Variants in BMP5 observed in about 807,000 individuals in gnomAD.
BMP5 encodes bone morphogenetic protein 5.
A neutral mutation model predicts 46.6 loss-of-function variants in BMP5; 23 were observed. The ratio of observed to expected loss-of-function variants is 0.49; its 90% CI spans 0.35 to 0.70. The LOEUF is 0.70. Ranked by LOEUF, BMP5 falls within the 30% of genes least tolerant of loss-of-function variation. The probability of loss-of-function intolerance (pLI) is 0.00; values close to 1 mark genes in which losing one functional copy is unlikely to be tolerated. For synonymous variants in BMP5, 204 were observed against 191.9 expected, an observed-to-expected ratio of 1.06 and a Z score of -0.52; for missense variants, 545 against 565.6, an observed-to-expected ratio of 0.96 and a Z score of 0.37.
chr6:55,834,424 T>A (rs2127543204), intron 1 of BMP5, among the ~76,000 whole-genome samples: 1 of 152,316 alleles, frequency 6.6e-6, no homozygotes, highest in South Asian at 2.1e-4. Flanking sequence ...GTATGTAACA[T>A]GCCTTGCCTC....
intron 1 of BMP5, among the ~76,000 whole-genome samples, chr6:55,844,846 C>A (rs1451154353): frequency 6.6e-6 from 1 of 151,722 alleles, no homozygotes; most frequent in East Asian, 1.9e-4. Context: ...TTGTTTAGAA[C>A]CAACCAAAAT....
At chr6:55,811,759 A>G (rs1312109338) in intron 2 of BMP5, among the ~76,000 whole-genome samples, 1 of 150,148 alleles carries the variant, frequency 6.7e-6, no homozygotes, top group East Asian at 2.0e-4. Flanking sequence ...GAAACTTCCT[A>G]CTCTTCTTGA....
At chr6:55,765,618 T>C (rs1774900206) in intron 4 of BMP5, among the ~76,000 whole-genome samples, 2 of 152,142 alleles carry the variant, frequency 1.3e-5, no homozygotes, top group South Asian at 4.1e-4. Context: ...ATAACAATCC[T>C]ACCCAAAGAT....
chr6:55,857,841 C>T (rs995201837), intron 1 of BMP5, among the ~76,000 whole-genome samples: 2 of 151,950 alleles, frequency 1.3e-5, no homozygotes, highest in African/African-American at 2.4e-5. Context: ...CAGGCTCAAG[C>T]GATTCTCCTG....
At position 55,795,548 on chromosome 6, in the gene BMP5, ATG is replaced by A. The variant is rs554222448; in HGVS notation, c.684-1123_684-1122del. 1.7e-3 allele frequency among the ~76,000 whole-genome samples: 255 copies of A among 152,190 alleles called. 1 individual carries two copies. The highest frequency in any genetic ancestry group is 5.9e-3 in the African/African-American group (244 of 41,550). ...AGTCACTTTAAGGGTGGCTTACAAA[ATG>A]TGAAAACACATTTTTAATAAATCAT... is the stretch of plus-strand genomic sequence containing the variant. On this transcript the variant is annotated intron_variant, in intron 2 of 6. Transcript: ENST00000370830.
intron 3 of BMP5, among the ~76,000 whole-genome samples, chr6:55,785,098 A>G (rs187231024): frequency 6.6e-6 from 1 of 151,970 alleles, no homozygotes; most frequent in African/African-American, 2.4e-5. Context: ...GCATGGTTTA[A>G]ATTCTTACTG....
intron 4 of BMP5, among the ~76,000 whole-genome samples, chr6:55,766,317 C>G (rs1404844946): frequency 6.6e-6 from 1 of 151,910 alleles, no homozygotes; most frequent in Non-Finnish European, 1.5e-5. Flanking sequence ...GTTGATGTTC[C>G]CCAAGGAGGC....
chr6:55,815,076 T>A lies in BMP5; in HGVS notation c.683+4579A>T, dbSNP rs1776223591. 2.3e-5 allele frequency among the ~76,000 whole-genome samples: 3 copies of A among 133,076 alleles called. No homozygotes were observed. The Admixed American group carries it at 2.8e-4, about 12-fold the overall frequency. The allele number at this position is 133,076 out of a possible 152,430, so 87.3% of individuals were successfully genotyped here. On this transcript the variant is annotated intron_variant, in intron 2 of 6. Transcript: ENST00000370830. ...TGAAACCTGAAGGCAGAGGTTGCAG[T>A]GGGCTGAGATAGTGCCATTGCACTC...
intron 3 of BMP5, among the ~76,000 whole-genome samples, chr6:55,774,799 G>T (rs1248724576): frequency 1.3e-5 from 2 of 151,938 alleles, no homozygotes; most frequent in Non-Finnish European, 2.9e-5. Context: ...AGTCATTCTG[G>T]AAGCCTAGTC....
intron 3 of BMP5, among the ~76,000 whole-genome samples, chr6:55,786,276 T>C (rs1231512853): frequency 1.3e-5 from 2 of 151,808 alleles, no homozygotes; most frequent in Non-Finnish European, 1.5e-5. Context: ...AGTATAAATA[T>C]ATGCTTAAAG....
At chr6:55,855,227 T>G (rs1377800298) in intron 1 of BMP5, among the ~76,000 whole-genome samples, 1 of 152,054 alleles carries the variant, frequency 6.6e-6, no homozygotes, top group African/African-American at 2.4e-5. Context: ...TTATTTGTTT[T>G]TATTTTTATT....
At chr6:55,872,833 T>A (rs1439708092) in intron 1 of BMP5, among the ~76,000 whole-genome samples, 1 of 151,860 alleles carries the variant, frequency 6.6e-6, no homozygotes, top group Non-Finnish European at 1.5e-5. Flanking sequence ...TAAACTACTT[T>A]AAATTCTTGA....
At chr6:55,827,676 A>G (rs987036193) in intron 1 of BMP5, among the ~76,000 whole-genome samples, 9 of 151,858 alleles carry the variant, frequency 5.9e-5, no homozygotes, top group Non-Finnish European at 1.2e-4. Context: ...AAAATTATTA[A>G]GTGAATGTTA....
At chr6:55,873,653 G>A (rs990597697) in intron 1 of BMP5, among the ~76,000 whole-genome samples, 1 of 151,772 alleles carries the variant, frequency 6.6e-6, no homozygotes, top group Non-Finnish European at 1.5e-5. Context: ...GTGGTTTACA[G>A]AAAATTTCAA....
intron 6 of BMP5, among the ~76,000 whole-genome samples, chr6:55,758,151 T>C (rs968480368): frequency 2.6e-5 from 4 of 151,940 alleles, no homozygotes; most frequent in Non-Finnish European, 5.9e-5. Flanking sequence ...CCATCAAGCC[T>C]TGATTCTAAA....
chr6:55,790,002 C>T (rs1301653110), intron 3 of BMP5, among the ~76,000 whole-genome samples: 1 of 152,074 alleles, frequency 6.6e-6, no homozygotes, highest in African/African-American at 2.4e-5. Context: ...AATCAAAATG[C>T]TACTTTTGAT....
chr6:55,812,651 G>C (rs1776162390), intron 2 of BMP5, among the ~76,000 whole-genome samples: 1 of 152,160 alleles, frequency 6.6e-6, no homozygotes, highest in Admixed American at 6.6e-5. Context: ...AATTGTTTCT[G>C]AGTTTAACTG....
At chr6:55,778,032 A>C (rs1234660890) in intron 3 of BMP5, among the ~76,000 whole-genome samples, 1 of 152,042 alleles carries the variant, frequency 6.6e-6, no homozygotes, top group Non-Finnish European at 1.5e-5. Context: ...CATTGACTTC[A>C]AAGAGTAGTA....
intron 2 of BMP5, among the ~76,000 whole-genome samples, chr6:55,805,568 T>C (rs1288003496): frequency 1.3e-5 from 2 of 152,216 alleles, no homozygotes; most frequent in African/African-American, 4.8e-5. Flanking sequence ...TTATATTCCC[T>C]TGGGTATATA....
Sources: allele counts gnomAD v4.1 joint callset (sites outside exome capture counted in the v4.1 genomes callset), GRCh38; gene constraint gnomAD v4.1.1; transcripts MANE v1.5; gene names NCBI Gene and HGNC (gene_info 2026-07-23, HGNC 2026-07-21).